KLRB1: variants seen among roughly 807,000 people sequenced by gnomAD.
The protein encoded by KLRB1 is killer cell lectin-like receptor subfamily B member 1.
In KLRB1, 27 loss-of-function variants were observed where a neutral mutation model predicts 33.5. That is an observed-to-expected ratio of 0.81 (90% CI 0.59 to 1.11). KLRB1 has a LOEUF of 1.11. Ranked by LOEUF, KLRB1 falls within the 50% of genes most tolerant of loss-of-function variation. KLRB1 has a pLI of 0.00. For missense variants in KLRB1, 241 were observed against 254.1 expected (o/e 0.95, Z 0.35); for synonymous variants, 64 against 88.9 (o/e 0.72, Z 1.58).
chr12:9,598,572 G>A lies in KLRB1; in HGVS notation c.341C>T (p.Pro114Leu). The change falls in exon 4 of 6, where the codon CCT becomes CTT. Residue 114 changes from proline to leucine, a missense_variant. Pro to Leu is a moderately conservative substitution (Grantham distance 98). Transcript: ENST00000229402. Reference protein sequence around the residue: ...KCLLFSHTVNPWNNSLADCST... With the variant: ...KCLLFSHTVNLWNNSLADCST... ...ACAATCAGCTAGACTGTTATTCCAAGGGTTGACAGTGTGAGAAAATAACAA... is the reference window on the plus strand; with the variant it reads ...ACAATCAGCTAGACTGTTATTCCAAAGGTTGACAGTGTGAGAAAATAACAA... 1 of 1,613,276 alleles carries A rather than the reference G, an allele frequency of 6.2e-7. No individual in the cohort carries two copies. The highest frequency in any genetic ancestry group is 8.5e-7 in the Non-Finnish European group (1 of 1,179,416).
intron 5 of KLRB1, 24 bp from the exon 6 acceptor site, chr12:9,595,445 TC>T (rs778602242): frequency 6.2e-7 from 1 of 1,607,404 alleles, no homozygotes; most frequent in South Asian, 1.1e-5. Context: ...GAAAAGTCTG[TC>T]TTAGCATTTA....
intron 1 of KLRB1, among the ~76,000 whole-genome samples, chr12:9,607,220 C>T (rs1864615290): frequency 2.0e-5 from 3 of 149,364 alleles, no homozygotes; most frequent in African/African-American, 7.4e-5. Context: ...TTTTTCCTTC[C>T]TTCCTTCCAT....
At chr12:9,607,405 T>TTTTC (rs1324774025) in intron 1 of KLRB1, among the ~76,000 whole-genome samples, 1 of 47,984 alleles carries the variant, frequency 2.1e-5, no homozygotes, top group Non-Finnish European at 4.9e-5. Flanking sequence ...TCTTTCTTTC[T>TTTTC]TTTCTTTCTT....
intron 2 of KLRB1, 126 bp from the exon 3 acceptor site, chr12:9,599,967 A>T: frequency 1.8e-6 from 1 of 551,544 alleles, no homozygotes; most frequent in Non-Finnish European, 3.1e-6. Flanking sequence ...AAATAAAAGT[A>T]TTAGCGAAGT....
intron 1 of KLRB1, among the ~76,000 whole-genome samples, chr12:9,607,327 CTTTCTT>C (rs1335437284): frequency 2.3e-5 from 1 of 44,016 alleles, no homozygotes; most frequent in Non-Finnish European, 5.4e-5. Context: ...TTTTCTTTCT[CTTTCTT>C]TCCTTTCTTT....
chr12:9,596,767 C>G (rs1052411659), intron 5 of KLRB1, among the ~76,000 whole-genome samples: 1 of 152,028 alleles, frequency 6.6e-6, no homozygotes, highest in Non-Finnish European at 1.5e-5. Context: ...TGCATTATGA[C>G]CCCATTAAGA....
intron 5 of KLRB1, 38 bp from the exon 6 acceptor site, chr12:9,595,459 AT>A (rs745605853): frequency 6.3e-7 from 1 of 1,593,728 alleles, no homozygotes; most frequent in Non-Finnish European, 8.6e-7. Flanking sequence ...AGCATTTATG[AT>A]TTTCTCAGAG....
rs1864476477 is a variant in KLRB1, at chr12:9,594,751, T to C, written c.*523A>G. On this transcript the variant is annotated 3_prime_UTR_variant, in exon 6 of 6. Transcript: ENST00000229402. ...TTTCTAGAGGAGTCACTAGGAGATA[T>C]ATTGGTTGCGGGGGGCTGTAAAATA... 2.0e-5 allele frequency: 3 copies of C among 148,344 alleles called. No homozygotes were observed. The highest frequency in any genetic ancestry group is 2.1e-4 in the South Asian group (1 of 4,826). The allele number at this position is 148,344 out of a possible 1,614,324, so 9.2% of individuals were successfully genotyped here. A position where few individuals can be genotyped will look rare whatever the true frequency, so the allele number is the denominator to read the frequency against.
intron 1 of KLRB1, among the ~76,000 whole-genome samples, chr12:9,606,761 T>TATATATATATATATATA (rs1491174451): frequency 4.2e-5 from 1 of 23,680 alleles, no homozygotes; most frequent in African/African-American, 1.9e-4. Context: ...TATATATATA[T>TATATATATATATATATA]TTTTTTTTTT....
At chr12:9,599,926 G>C (rs1864523317) in intron 2 of KLRB1, 85 bp from the exon 3 acceptor site, 2 of 756,674 alleles carry the variant, frequency 2.6e-6, no homozygotes, top group African/African-American at 3.6e-5. Flanking sequence ...TAGGAAACTA[G>C]ATAATCTCAA....
At chr12:9,596,939 C>T (rs4763240) in intron 5 of KLRB1, among the ~76,000 whole-genome samples, 57,091 of 151,986 alleles carry the variant, frequency 0.38, 11,967 homozygotes, top group South Asian at 0.53. Flanking sequence ...TGTTTTTAAA[C>T]ATAATGTGTA....
rs149244748 is a variant in KLRB1, at chr12:9,599,828, T to C, written c.198A>G (p.Ile66Met). The change falls in exon 3 of 6, where the codon ATA becomes ATG. Residue 66 changes from isoleucine to methionine, a missense_variant. By Grantham distance (10) the Ile-to-Met change is conservative. Coordinates refer to ENST00000229402, the MANE Select transcript of KLRB1 (RefSeq NM_002258.3). ...TGCATTTTTCTATTGATGATTTCTG[T>C]ATTAAGGATGTCACTAGTACATAAG... ...TGLSVSVTSLIQKSSIEKCSV... is the reference protein window; with the variant it reads ...TGLSVSVTSLMQKSSIEKCSV... 9.4e-5 allele frequency: 150 copies of C among 1,590,130 alleles called. 1 individual carries two copies. In the African/African-American group the frequency reaches 1.9e-3, roughly 20 times the overall value.
At position 9,607,901 on chromosome 12, in the gene KLRB1, CA is replaced by C; in HGVS notation, c.-63del. 8.8e-7 allele frequency: 1 copy of C among 1,132,642 alleles called. No individual in the cohort carries two copies. Among genetic ancestry groups the C allele is most frequent in the Non-Finnish European group, 1.3e-6 (1 of 743,050 alleles). The allele number at this position is 1,132,642 out of a possible 1,614,324, so 70.2% of individuals were successfully genotyped here. ...AGAACAAACTCTCAATTCTGTGAGG[CA>C]AAATCAGCAAAAGGAAGCTTTCTGC... On this transcript the variant is annotated 5_prime_UTR_variant, in exon 1 of 6. Transcript: ENST00000229402.
At chr12:9,595,693 G>A (rs780163576) in intron 5 of KLRB1, among the ~76,000 whole-genome samples, 26 of 151,874 alleles carry the variant, frequency 1.7e-4, no homozygotes, top group Non-Finnish European at 2.9e-4. Context: ...TGGAAACTGG[G>A]GATTCAGTCT....
chr12:9,595,332 C>G lies in KLRB1; in HGVS notation c.620G>C (p.Arg207Thr), dbSNP rs368537511. ...VYSEYCSTEI[R>T]WICQKELTPV... ...TGTTAGTTCTTTTTGGCAGATCCAT[C>G]TGATTTCTGTACTACAGTACTCAGA... Residue 207 changes from arginine to threonine, a missense_variant, in exon 6 of 6, where the codon AGA becomes ACA. Physicochemically the swap from Arg to Thr is moderately conservative, Grantham distance 71. Transcript: ENST00000229402. 297 of 1,613,402 alleles carry G rather than the reference C, an allele frequency of 1.8e-4. 3 individuals are homozygous for G. The South Asian group carries it at 2.7e-3, about 15-fold the overall frequency.
chr12:9,603,028 T>G (rs1171072698), intron 1 of KLRB1, among the ~76,000 whole-genome samples: 1 of 152,180 alleles, frequency 6.6e-6, no homozygotes, highest in Admixed American at 6.5e-5. Flanking sequence ...GATCAAAGAT[T>G]ATGGGAGGAA....
At chr12:9,599,865 G>C (rs1864522916) in intron 2 of KLRB1, 24 bp from the exon 3 acceptor site, 1 of 1,345,136 alleles carries the variant, frequency 7.4e-7, no homozygotes, top group Non-Finnish European at 1.1e-6. Flanking sequence ...AAAAACAAGA[G>C]TATTAAATGC....
chr12:9,601,942 T>C (rs1314433019), intron 1 of KLRB1, among the ~76,000 whole-genome samples: 2 of 152,260 alleles, frequency 1.3e-5, no homozygotes, highest in Non-Finnish European at 2.9e-5. Flanking sequence ...CATGTCTTAA[T>C]GTATGAAGTA....
chr12:9,595,702 C>G (rs1864485902), intron 5 of KLRB1, among the ~76,000 whole-genome samples: 1 of 151,638 alleles, frequency 6.6e-6, no homozygotes, highest in Non-Finnish European at 1.5e-5. Context: ...GGGATTCAGT[C>G]TTCTTATTGT....
Sources: gnomAD v4.1 joint callset for allele counts (sites outside exome capture counted in the v4.1 genomes callset) on GRCh38, gnomAD v4.1.1 for gene constraint, MANE v1.5 for transcripts, NCBI Gene and HGNC (gene_info 2026-07-23, HGNC 2026-07-21) for gene names.